NSL1: variants seen among roughly 807,000 people sequenced by gnomAD.
NSL1 encodes NSL1 component of MIS12 kinetochore complex.
A neutral mutation model predicts 25.4 loss-of-function variants in NSL1; 11 were observed. The observed-to-expected ratio is 0.43, with a 90% CI of 0.27 to 0.72. The LOEUF (loss-of-function observed/expected upper bound fraction) is 0.72, where lower values mean the gene tolerates loss of function less well. NSL1 is among the 30% of genes least tolerant of loss of function. NSL1 has a pLI of 0.19. For synonymous variants in NSL1, 118 were observed against 120.6 expected, an observed-to-expected ratio of 0.98 and a Z score of 0.14; for missense variants, 330 against 342.7, an observed-to-expected ratio of 0.96 and a Z score of 0.29.
Position 212,738,694 on chromosome 1 carries a change from C to T in NSL1, c.568-8G>A. 2 of 1,607,948 alleles carry T rather than the reference C, an allele frequency of 1.2e-6. No individual in the cohort carries two copies. Among genetic ancestry groups the T allele is most frequent in the Non-Finnish European group, 1.7e-6 (2 of 1,175,874 alleles). The stretch of plus-strand genomic sequence containing the variant: ...AATTAATGCAGGCAAGGACTTCAAA[C>T]AAACAAACAGTAATATTCAACATTA... On this transcript the variant is annotated splice_polypyrimidine_tract_variant and splice_region_variant and intron_variant, in intron 5 of 5. Coordinates refer to ENST00000366977, the MANE Select transcript of NSL1 (RefSeq NM_015471.4).
At chr1:212,771,904 G>GCA (rs1212862049) in intron 4 of NSL1, among the ~76,000 whole-genome samples, 19 of 152,300 alleles carry the variant, frequency 1.2e-4, no homozygotes, top group African/African-American at 4.6e-4. Context: ...ATCTCATCTT[G>GCA]AATTGTAGCT....
At position 212,729,034 on chromosome 1, in the gene NSL1, T is replaced by A. The variant is rs1226975602; in HGVS notation, c.*9374A>T. 1.0e-6 allele frequency: 1 copy of A among 985,296 alleles called. No individual in the cohort carries two copies. The highest frequency in any genetic ancestry group is 6.1e-5 in the Admixed American group (1 of 16,268). 61.0% of individuals were successfully genotyped at this position (985,296 alleles called of 1,614,324 possible). A position where few individuals can be genotyped will look rare whatever the true frequency, so the allele number is the denominator to read the frequency against. On this transcript the variant is annotated 3_prime_UTR_variant, in exon 6 of 6. Coordinates refer to ENST00000366977, the MANE Select transcript of NSL1 (RefSeq NM_015471.4). The stretch of plus-strand genomic sequence containing the variant: ...TCATTTGTCAATCTGAAATTTTTTT[T>A]AAAGGAAGAATACTTGGGTTGGGCT...
intron 2 of NSL1, among the ~76,000 whole-genome samples, chr1:212,786,416 T>TTA (rs1553254934): frequency 1.4e-5 from 2 of 141,916 alleles, no homozygotes; most frequent in Non-Finnish European, 3.1e-5. Context: ...CACAATTAGT[T>TTA]AAAAAAAAAA....
chr1:212,727,266 C>G lies in NSL1; in HGVS notation c.*11142G>C, dbSNP rs1356323205. The G allele has an allele frequency of 2.2e-6, 3 of 1,368,854 alleles. No homozygotes were observed. Among genetic ancestry groups the G allele is most frequent in the Non-Finnish European group, 2.8e-6 (3 of 1,053,570 alleles). 84.8% of individuals were successfully genotyped at this position (1,368,854 alleles called of 1,614,324 possible). A position where few individuals can be genotyped will look rare whatever the true frequency, so the allele number is the denominator to read the frequency against. On this transcript the variant is annotated 3_prime_UTR_variant, in exon 6 of 6. Transcript: ENST00000366977. ...GGCTTTCAAGACTTGCCTTGAGACTCAGAGCTGTTTCACAACCCTTTGTTC... is the reference window on the plus strand; with the variant it reads ...GGCTTTCAAGACTTGCCTTGAGACTGAGAGCTGTTTCACAACCCTTTGTTC...
In NSL1 at chr1:212,729,359, G is replaced by C. The variant is rs991321514; in HGVS notation, c.*9049C>G. 1.0e-6 allele frequency: 1 copy of C among 981,032 alleles called. No homozygotes were observed. Among genetic ancestry groups the C allele is most frequent in the Non-Finnish European group, 1.2e-6 (1 of 826,082 alleles). 60.8% of individuals were successfully genotyped at this position (981,032 alleles called of 1,614,324 possible). A position where few individuals can be genotyped will look rare whatever the true frequency, so the allele number is the denominator to read the frequency against. On this transcript the variant is annotated 3_prime_UTR_variant, in exon 6 of 6. Coordinates refer to ENST00000366977, the MANE Select transcript of NSL1 (RefSeq NM_015471.4). ...GCTTGTGGGCAGGGTCTGTGCCTTG[G>C]TTTACAGGTGTACATCCACACAGCT...
chr1:212,762,997 T>C (rs1271902004), intron 4 of NSL1, among the ~76,000 whole-genome samples: 2 of 152,178 alleles, frequency 1.3e-5, no homozygotes, highest in East Asian at 3.8e-4. Context: ...GCTACAGACA[T>C]GAGCAGAGGA....
At chr1:212,788,469 A>C (rs559243683) in intron 1 of NSL1, among the ~76,000 whole-genome samples, 1 of 152,338 alleles carries the variant, frequency 6.6e-6, no homozygotes, top group East Asian at 1.9e-4. Flanking sequence ...CACTGTACTA[A>C]ACTAATTTTT....
chr1:212,785,291 A>C (rs1037164194), intron 2 of NSL1, among the ~76,000 whole-genome samples: 1 of 152,134 alleles, frequency 6.6e-6, no homozygotes, highest in African/African-American at 2.4e-5. Flanking sequence ...ATGTTTTAAA[A>C]CAGTGATTCT....
At chr1:212,791,475 C>G in intron 1 of NSL1, 55 bp downstream of exon 1, 1 of 1,487,546 alleles carries the variant, frequency 6.7e-7, no homozygotes, top group African/African-American at 1.4e-5. Flanking sequence ...ATCCTAAGAT[C>G]CTGGGTGTTG....
intron 4 of NSL1, among the ~76,000 whole-genome samples, chr1:212,750,212 G>A (rs1659001136): frequency 6.6e-6 from 1 of 151,902 alleles, no homozygotes; most frequent in Non-Finnish European, 1.5e-5. Context: ...GAGGCACAAA[G>A]GAGGGTGAGA....
intron 4 of NSL1, among the ~76,000 whole-genome samples, chr1:212,762,306 CAAAAA>C (rs71147025): frequency 0.018 from 2,099 of 114,686 alleles, 47 homozygotes; most frequent in African/African-American, 0.067. Flanking sequence ...TTAAAAGAAA[CAAAAA>C]AAAAAAAAAA....
At chr1:212,750,679 C>A (rs546299566) in intron 4 of NSL1, among the ~76,000 whole-genome samples, 57 of 152,298 alleles carry the variant, frequency 3.7e-4, no homozygotes, top group African/African-American at 1.3e-3. Context: ...GTGAGCCACA[C>A]CTGTAATCCC....
chr1:212,766,750 A>T (rs1659841311), intron 4 of NSL1, among the ~76,000 whole-genome samples: 1 of 152,200 alleles, frequency 6.6e-6, no homozygotes, highest in Admixed American at 6.5e-5. Context: ...AAATCAGTGT[A>T]CACACATCAG....
Position 212,727,776 on chromosome 1 carries a change from T to C in NSL1, c.*10632A>G, listed in dbSNP as rs1245520954. 1.0e-6 allele frequency: 1 copy of C among 984,164 alleles called. No homozygotes were observed. The highest frequency in any genetic ancestry group is 1.2e-6 in the Non-Finnish European group (1 of 828,894). The allele number at this position is 984,164 out of a possible 1,614,324, so 61.0% of individuals were successfully genotyped here. On this transcript the variant is annotated 3_prime_UTR_variant, in exon 6 of 6. Coordinates refer to ENST00000366977, the MANE Select transcript of NSL1 (RefSeq NM_015471.4). ...TATTTAACCTCATTAAGATAATAAA[T>C]TGCTTTAAACAACTTTGAGCACTTT...
chr1:212,750,376 T>C (rs1410616227), intron 4 of NSL1, among the ~76,000 whole-genome samples: 3 of 150,042 alleles, frequency 2.0e-5, no homozygotes, highest in South Asian at 2.1e-4. Flanking sequence ...CAAGAAAGAG[T>C]AGAAAACAGG....
intron 4 of NSL1, among the ~76,000 whole-genome samples, chr1:212,759,898 G>A (rs1363411985): frequency 6.6e-6 from 1 of 152,176 alleles, no homozygotes; most frequent in Non-Finnish European, 1.5e-5. Context: ...CAGAGCCTGA[G>A]AGCCATTTCC....
Position 212,729,236 on chromosome 1 carries a change from CAG to C in NSL1, c.*9170_*9171del. On this transcript the variant is annotated 3_prime_UTR_variant, in exon 6 of 6. Coordinates refer to ENST00000366977, the MANE Select transcript of NSL1 (RefSeq NM_015471.4). ...CAGGTTCCCTCTAGGAGCAGAAGTG[CAG>C]GTTTGCTTGGGCTCCTAGCCTCTCC... The C allele has an allele frequency of 5.1e-6, 5 of 985,422 alleles. No homozygotes were observed. Among genetic ancestry groups the C allele is most frequent in the Non-Finnish European group, 6.0e-6 (5 of 829,918 alleles). The allele number at this position is 985,422 out of a possible 1,614,324, so 61.0% of individuals were successfully genotyped here. A position where few individuals can be genotyped will look rare whatever the true frequency, so the allele number is the denominator to read the frequency against.
At chr1:212,752,435 G>A (rs1190328857) in intron 4 of NSL1, among the ~76,000 whole-genome samples, 1 of 152,140 alleles carries the variant, frequency 6.6e-6, no homozygotes. Flanking sequence ...TGCCTGTAGG[G>A]TCAGCAAAAG....
At position 212,730,912 on chromosome 1, in the gene NSL1, A is replaced by G. The variant is rs1657986937; in HGVS notation, c.*7496T>C. 1.0e-6 allele frequency: 1 copy of G among 985,356 alleles called. No homozygotes were observed. 61.0% of individuals were successfully genotyped at this position (985,356 alleles called of 1,614,324 possible). A position where few individuals can be genotyped will look rare whatever the true frequency, so the allele number is the denominator to read the frequency against. ...TAATGTGTGAGATTGTGATCCAGGGAAACCGACAAGTTAGAAATTTGCAAT... is the reference window on the plus strand; with the variant it reads ...TAATGTGTGAGATTGTGATCCAGGGGAACCGACAAGTTAGAAATTTGCAAT... On this transcript the variant is annotated 3_prime_UTR_variant, in exon 6 of 6. Transcript: ENST00000366977.
Sources: allele counts gnomAD v4.1 joint callset (sites outside exome capture counted in the v4.1 genomes callset), GRCh38; gene constraint gnomAD v4.1.1; transcripts MANE v1.5; gene names NCBI Gene and HGNC (gene_info 2026-07-23, HGNC 2026-07-21).